SLC35B4: variants seen among roughly 807,000 people sequenced by gnomAD.
SLC35B4 encodes solute carrier family 35 member B4.
Under a neutral mutation model 39.5 loss-of-function variants are expected in SLC35B4, and 28 were observed. The observed-to-expected ratio is 0.71, with a 90% CI of 0.53 to 0.97. The LOEUF (loss-of-function observed/expected upper bound fraction) is 0.97, where lower values mean the gene tolerates loss of function less well. SLC35B4 is among the 50% of genes least tolerant of loss of function. The probability of loss-of-function intolerance (pLI) is 0.00; values close to 1 mark genes in which losing one functional copy is unlikely to be tolerated. For synonymous variants in SLC35B4, 145 were observed against 150.4 expected, an observed-to-expected ratio of 0.96 and a Z score of 0.26; for missense variants, 334 against 414.3, an observed-to-expected ratio of 0.81 and a Z score of 1.68.
intron 3 of SLC35B4, among the ~76,000 whole-genome samples, chr7:134,305,097 G>A (rs1317025510): frequency 5.9e-5 from 9 of 152,156 alleles, no homozygotes; most frequent in South Asian, 4.1e-4. Flanking sequence ...CGAGGTGGGC[G>A]GATCACCTGA....
In SLC35B4 at chr7:134,316,606, G is replaced by A. The variant is rs60937746; in HGVS notation, c.77+69C>T. On this transcript the variant is annotated intron_variant, in intron 1 of 9. Coordinates refer to ENST00000378509, the MANE Select transcript of SLC35B4 (RefSeq NM_032826.5). Reference sequence around the variant, plus strand: ...GGGACAGGGCGTGGGCGCGTCCCGGGGGGACCTCTCCTCTGGCTTCCTCCG... The same window carrying A: ...GGGACAGGGCGTGGGCGCGTCCCGGAGGGACCTCTCCTCTGGCTTCCTCCG... The A allele has an allele frequency of 4.2e-4, 625 of 1,500,286 alleles. 3 individuals are homozygous for A. The African/African-American group carries it at 7.3e-3, about 18-fold the overall frequency. 92.9% of individuals were successfully genotyped at this position (1,500,286 alleles called of 1,614,324 possible).
At chr7:134,310,296 A>G (rs1803804548) in intron 1 of SLC35B4, among the ~76,000 whole-genome samples, 1 of 152,190 alleles carries the variant, frequency 6.6e-6, no homozygotes, top group South Asian at 2.1e-4. Context: ...CAGTTGGGGA[A>G]GATTCCCCAC....
At chr7:134,309,313 TCTTTA>T in intron 2 of SLC35B4, 48 bp downstream of exon 2, 1 of 1,065,490 alleles carries the variant, frequency 9.4e-7, no homozygotes, top group Non-Finnish European at 1.3e-6. Context: ...AGGTACCACC[TCTTTA>T]CTTTCTTAAA....
chr7:134,304,252 A>G (rs968560318), intron 4 of SLC35B4, among the ~76,000 whole-genome samples: 4 of 152,094 alleles, frequency 2.6e-5, no homozygotes, highest in African/African-American at 9.7e-5. Context: ...TTAGCCGGGC[A>G]TGGTGGCACA....
At position 134,296,432 on chromosome 7, in the gene SLC35B4, C is replaced by T; in HGVS notation, c.708G>A (p.Leu236=). ...LYEIPVIGVT[L]PIMWFYLLMN... The stretch of plus-strand genomic sequence containing the variant: ...TGAGGAGGTAGAACCACATGATGGG[C>T]AGGGTCACTCCGATGACGGGAATTT... The change falls in exon 9 of 10, where the codon CTG becomes CTA. Residue 236 remains leucine (L), a synonymous_variant. Transcript: ENST00000378509. 6.2e-7 allele frequency: 1 copy of T among 1,613,994 alleles called. No homozygotes were observed. Among genetic ancestry groups the T allele is most frequent in the Non-Finnish European group, 8.5e-7 (1 of 1,179,934 alleles).
At position 134,291,071 on chromosome 7, in the gene SLC35B4, T is replaced by C. The variant is rs930731441; in HGVS notation, c.*3762A>G. On this transcript the variant is annotated 3_prime_UTR_variant, in exon 10 of 10. Transcript: ENST00000378509. ...AAGCCAGTTAATGGGAAGGTAAAAA[T>C]AGCAAAATAAGAGAGTATTGTTTCC... 1.3e-5 allele frequency: 2 copies of C among 152,260 alleles called. No homozygotes were observed. Among genetic ancestry groups the C allele is most frequent in the Admixed American group, 1.3e-4 (2 of 15,286 alleles). The allele number at this position is 152,260 out of a possible 1,614,324, so 9.4% of individuals were successfully genotyped here.
chr7:134,320,167 T>G (rs1804069719), upstream of SLC35B4, among the ~76,000 whole-genome samples: 1 of 152,336 alleles, frequency 6.6e-6, no homozygotes, highest in Middle Eastern at 3.4e-3. Flanking sequence ...AGGTTCTGTG[T>G]GCTGACTGTG....
Position 134,302,092 on chromosome 7 carries a change from A to G in SLC35B4, c.363T>C (p.Tyr121=), listed in dbSNP as rs895196105. 6.2e-7 allele frequency: 1 copy of G among 1,613,430 alleles called. No individual in the cohort carries two copies. The highest frequency in any genetic ancestry group is 1.3e-5 in the African/African-American group (1 of 74,900). ...ILKKRYSIFK[Y]TSIALVSVGI... is the part of the protein sequence containing the mutation. ...CCACAGACACCAGGGCAATGGAGGT[A>G]TATTTGAATATACTGTATCTGCAAA... is the stretch of plus-strand genomic sequence containing the variant. Residue 121 remains tyrosine (Y), a synonymous_variant, in exon 5 of 10, where the codon TAT becomes TAC. Coordinates refer to ENST00000378509, the MANE Select transcript of SLC35B4 (RefSeq NM_032826.5).
chr7:134,300,235 G>A lies in SLC35B4; in HGVS notation c.514C>T (p.Leu172=), dbSNP rs1282547434. ...AATATCCCCATCCTTGCTGACATCA[G>A]AAGAGCAAAAGTCAATGCCCCAATA... is the stretch of plus-strand genomic sequence containing the variant. ...LGIGALTFAL[L]MSARMGIFQE... The change falls in exon 7 of 10, where the codon CTG becomes TTG. Residue 172 remains leucine (L), a synonymous_variant. Transcript: ENST00000378509. The A allele has an allele frequency of 3.1e-6, 5 of 1,611,650 alleles. No individual in the cohort carries two copies. Among genetic ancestry groups the A allele is most frequent in the Non-Finnish European group, 4.2e-6 (5 of 1,179,460 alleles).
At chr7:134,301,998 G>A in intron 5 of SLC35B4, 31 bp downstream of exon 5, 1 of 1,602,588 alleles carries the variant, frequency 6.2e-7, no homozygotes. Context: ...ATAGCAAGTA[G>A]TGAACATAAA....
Position 134,302,193 on chromosome 7 carries a change from G to A in SLC35B4, c.345-83C>T, listed in dbSNP as rs1004059381. 33 of 1,150,612 alleles carry A rather than the reference G, an allele frequency of 2.9e-5. No individual in the cohort carries two copies. In the Admixed American group the frequency reaches 3.0e-4, roughly 11 times the overall value. The allele number at this position is 1,150,612 out of a possible 1,614,324, so 71.3% of individuals were successfully genotyped here. On this transcript the variant is annotated intron_variant, in intron 4 of 9. Transcript: ENST00000378509. ...CCAGTGATATTTACAGTCAGATGGT[G>A]CATGAAAGTACAAATCACTAAAGTA...
At chr7:134,314,110 T>C (rs1803915476) in intron 1 of SLC35B4, among the ~76,000 whole-genome samples, 1 of 152,188 alleles carries the variant, frequency 6.6e-6, no homozygotes, top group African/African-American at 2.4e-5. Flanking sequence ...TGCATGAAAA[T>C]ATTTTATAAA....
intron 7 of SLC35B4, 83 bp from the exon 8 acceptor site, chr7:134,299,681 G>T: frequency 3.4e-6 from 4 of 1,188,712 alleles, no homozygotes; most frequent in Non-Finnish European, 3.7e-6. Context: ...ATTAAAAGTC[G>T]TACAGGTTGT....
At position 134,291,120 on chromosome 7, in the gene SLC35B4, A is replaced by T. The variant is rs1431855695; in HGVS notation, c.*3713T>A. 1 of 152,200 alleles carries T rather than the reference A, an allele frequency of 6.6e-6. No individual in the cohort carries two copies. Among genetic ancestry groups the T allele is most frequent in the Non-Finnish European group, 1.5e-5 (1 of 68,024 alleles). 9.4% of individuals were successfully genotyped at this position (152,200 alleles called of 1,614,324 possible). A position where few individuals can be genotyped will look rare whatever the true frequency, so the allele number is the denominator to read the frequency against. ...CCCAAATAGAGAAGGGAATGGTGGT[A>T]GAGATTCTCAAATAGAGAAGGGAAT... On this transcript the variant is annotated 3_prime_UTR_variant, in exon 10 of 10. Coordinates refer to ENST00000378509, the MANE Select transcript of SLC35B4 (RefSeq NM_032826.5).
At position 134,289,621 on chromosome 7, in the gene SLC35B4, A is replaced by C. The variant is rs948492396; in HGVS notation, c.*5212T>G. The C allele has an allele frequency of 1.0e-4, 16 of 152,592 alleles. No individual in the cohort carries two copies. Among genetic ancestry groups the C allele is most frequent in the African/African-American group, 3.9e-4 (16 of 41,448 alleles). 9.5% of individuals were successfully genotyped at this position (152,592 alleles called of 1,614,324 possible). On this transcript the variant is annotated 3_prime_UTR_variant, in exon 10 of 10. Coordinates refer to ENST00000378509, the MANE Select transcript of SLC35B4 (RefSeq NM_032826.5). ...TTTGTTAGGAAATCCTACTTCTAAA[A>C]TCATCATCTTTTTTTGGAGAATGAG...
intron 3 of SLC35B4, among the ~76,000 whole-genome samples, chr7:134,306,405 A>G (rs1404206849): frequency 6.6e-6 from 1 of 152,234 alleles, no homozygotes; most frequent in Admixed American, 6.5e-5. Context: ...AGGGAAAATG[A>G]AGGTAAAATC....
Position 134,316,915 on chromosome 7 carries a change from C to A in SLC35B4, c.-164G>T. Reference sequence around the variant, plus strand: ...CGGTCTCCCCTTCTCCCGCGGCCAACACCGACGCTGCCAAGAAGCTGTAGT... The same window carrying A: ...CGGTCTCCCCTTCTCCCGCGGCCAAAACCGACGCTGCCAAGAAGCTGTAGT... On this transcript the variant is annotated 5_prime_UTR_variant, in exon 1 of 10. Transcript: ENST00000378509. The A allele has an allele frequency of 3.1e-6, 2 of 635,652 alleles. No individual in the cohort carries two copies. 39.4% of individuals were successfully genotyped at this position (635,652 alleles called of 1,614,324 possible). A position where few individuals can be genotyped will look rare whatever the true frequency, so the allele number is the denominator to read the frequency against.
In SLC35B4 at chr7:134,291,142, G is replaced by C. The variant is rs1803322044; in HGVS notation, c.*3691C>G. ...GGTAGAGATTCTCAAATAGAGAAGG[G>C]AATGGTGGTAGAGATTCTCAGCCTC... On this transcript the variant is annotated 3_prime_UTR_variant, in exon 10 of 10. Transcript: ENST00000378509. 6.6e-6 allele frequency: 1 copy of C among 152,168 alleles called. No individual in the cohort carries two copies. Among genetic ancestry groups the C allele is most frequent in the South Asian group, 2.1e-4 (1 of 4,830 alleles). 9.4% of individuals were successfully genotyped at this position (152,168 alleles called of 1,614,324 possible). A position where few individuals can be genotyped will look rare whatever the true frequency, so the allele number is the denominator to read the frequency against.
chr7:134,304,439 A>C (rs1330908181), intron 4 of SLC35B4, among the ~76,000 whole-genome samples: 1 of 152,218 alleles, frequency 6.6e-6, no homozygotes, highest in East Asian at 1.9e-4. Context: ...TGAGACACTA[A>C]ATATTTAATT....
Sources: allele counts gnomAD v4.1 joint callset (sites outside exome capture counted in the v4.1 genomes callset), GRCh38; gene constraint gnomAD v4.1.1; transcripts MANE v1.5; gene names NCBI Gene and HGNC (gene_info 2026-07-23, HGNC 2026-07-21).